The following GTSE1 variants were observed in gnomAD, a reference collection of about 807,000 sequenced individuals.
GTSE1 encodes the protein G2 and S-phase expressed 1.
In GTSE1, 52 loss-of-function variants were observed where a neutral mutation model predicts 60.5. The observed-to-expected ratio is 0.86, with a 90% CI of 0.69 to 1.08. The LOEUF (loss-of-function observed/expected upper bound fraction) is 1.08, where lower values mean the gene tolerates loss of function less well. Among genes scored for constraint, GTSE1 ranks in the 50% least tolerant of loss-of-function variants. The pLI is 0.00. For synonymous variants in GTSE1, 368 were observed against 386.5 expected (o/e 0.95, Z 0.56); for missense variants, 937 against 961.8 (o/e 0.97, Z 0.34).
intron 2 of GTSE1, among the ~76,000 whole-genome samples, chr22:46,302,913 T>A (rs1016003670): frequency 2.7e-5 from 4 of 150,126 alleles, no homozygotes; most frequent in African/African-American, 7.4e-5. Flanking sequence ...TTTTTTTTTT[T>A]CTTTGAGTTG....
chr22:46,315,941 T>G, intron 6 of GTSE1, 91 bp from the exon 7 acceptor site: 1 of 977,904 alleles, frequency 1.0e-6, no homozygotes. Context: ...ATGTTTAAGG[T>G]AGATATGCTA....
At position 46,308,858 on chromosome 22, in the gene GTSE1, C is replaced by T. The variant is rs767426101; in HGVS notation, c.677C>T (p.Ala226Val). 11 of 1,613,124 alleles carry T rather than the reference C, an allele frequency of 6.8e-6. No individual in the cohort carries two copies. The East Asian group carries it at 8.9e-5, about 13-fold the overall frequency. Residue 226 changes from alanine (A) to valine (V), a missense_variant, in exon 4 of 12, where the codon GCG becomes GTG. Ala to Val is a moderately conservative substitution (Grantham distance 64, BLOSUM62 0). Transcript: ENST00000454366. The part of the protein sequence containing the change: ...SCTAHAASQA[A>V]TQRKPGTKLL... Reference sequence around the variant, plus strand: ...ACTGCTCATGCTGCAAGTCAGGCAGCGACTCAGAGGAAGCCCGGGACCAAA... The same window carrying T: ...ACTGCTCATGCTGCAAGTCAGGCAGTGACTCAGAGGAAGCCCGGGACCAAA...
rs1402436249 is a variant in GTSE1, at chr22:46,316,288, T to A, written c.1308T>A (p.Ala436=). 9.3e-6 allele frequency: 15 copies of A among 1,613,908 alleles called. No homozygotes were observed. The highest frequency in any genetic ancestry group is 2.7e-5 in the African/African-American group (2 of 74,936). The stretch of plus-strand genomic sequence containing the variant: ...GCCAGTGGCTGAACTCCAGTTGCGC[T>A]TGGTCAGAATCTTCTCAATTGAATA... ...GGGQWLNSSC[A]WSESSQLNKT... Residue 436 remains alanine (A), a synonymous_variant, in exon 7 of 12, where the codon GCT becomes GCA. Transcript: ENST00000454366. The surrounding 1 kb of genome is among the most constrained non-coding windows in gnomAD (Gnocchi z 5.0).
rs1263939465 is a variant in GTSE1 at position 46,324,120 on chromosome 22, TC to T, written c.1505+859del. On this transcript the variant is annotated intron_variant, in intron 8 of 11. Transcript: ENST00000454366. This position sits in a 1 kb window ranked among gnomAD's most constrained non-coding sequence, Gnocchi z 5.2. Reference sequence around the variant, plus strand: ...AAGCTCAGCTGGGGCCACTTGCAAGTCTTTTGGTGACTCTGGGCTTTAGTTT... The same window carrying T: ...AAGCTCAGCTGGGGCCACTTGCAAGTTTTTGGTGACTCTGGGCTTTAGTTT... Among the ~76,000 whole-genome samples the T allele has an allele frequency of 6.6e-6, 1 of 152,162 alleles. No individual in the cohort carries two copies. The highest frequency in any genetic ancestry group is 2.4e-5 in the African/African-American group (1 of 41,450).
chr22:46,302,026 A>G (rs9627396), intron 2 of GTSE1, among the ~76,000 whole-genome samples: 15,123 of 152,122 alleles, frequency 0.099, 1,794 homozygotes, highest in African/African-American at 0.28. Context: ...TTGGGAGGCT[A>G]GGGCAGGAGA....
intron 2 of GTSE1, among the ~76,000 whole-genome samples, chr22:46,305,243 A>C (rs974144259): frequency 6.6e-6 from 1 of 152,190 alleles, no homozygotes; most frequent in Non-Finnish European, 1.5e-5. Flanking sequence ...CAGTTATTTT[A>C]TGATTATTGA....
In GTSE1 at chr22:46,311,069, T is replaced by TTTTTG. The variant is rs1329842061; in HGVS notation, c.763-1053_763-1049dup. Among the ~76,000 whole-genome samples the TTTTTG allele has an allele frequency of 6.6e-5, 10 of 151,946 alleles. No homozygotes were observed. In the South Asian group the frequency reaches 8.3e-4, roughly 13 times the overall value. On this transcript the variant is annotated intron_variant, in intron 4 of 11. Transcript: ENST00000454366. ...CGCTAATGGGTACAGGTTGTTTTTT[T>TTTTTG]TTTTGTTTTGTTTTGTTTTGTTTCT...
chr22:46,312,222 A>G lies in GTSE1; in HGVS notation c.844A>G (p.Lys282Glu). 6.2e-7 allele frequency: 1 copy of G among 1,614,186 alleles called. No individual in the cohort carries two copies. Among genetic ancestry groups the G allele is most frequent in the African/African-American group, 1.3e-5 (1 of 75,060 alleles). The stretch of plus-strand genomic sequence containing the variant: ...ATCCCACCGGGATGTTCTCCCTGAC[A>G]AACCTGCCCCGGGTGCTGTCAATGT... ...KESHRDVLPDKPAPGAVNVPA... is the reference protein window; with the variant it reads ...KESHRDVLPDEPAPGAVNVPA... The change falls in exon 5 of 12, where the codon AAA (lysine) becomes GAA (glutamate). Residue 282 changes from lysine (K) to glutamate (E), a missense_variant. Transcript: ENST00000454366.
At position 46,321,810 on chromosome 22, in the gene GTSE1, C is replaced by T. The variant is rs1162816129; in HGVS notation, c.1433-1380C>T. On this transcript the variant is annotated intron_variant, in intron 7 of 11. Transcript: ENST00000454366. This position sits in a 1 kb window ranked among gnomAD's most constrained non-coding sequence, Gnocchi z 4.0. Reference sequence around the variant, plus strand: ...AATAGGAGAGGCTGGGGCAGTGGCTCACGCCTGTAATCCCAGCACTTTGGG... The same window carrying T: ...AATAGGAGAGGCTGGGGCAGTGGCTTACGCCTGTAATCCCAGCACTTTGGG... 6.6e-6 allele frequency among the ~76,000 whole-genome samples: 1 copy of T among 152,112 alleles called. No individual in the cohort carries two copies. The highest frequency in any genetic ancestry group is 1.5e-5 in the Non-Finnish European group (1 of 68,032).
At chr22:46,326,755 G>A in intron 9 of GTSE1, 101 bp downstream of exon 9, 1 of 732,438 alleles carries the variant, frequency 1.4e-6, no homozygotes, top group Non-Finnish European at 2.2e-6. Context: ...TTTTAGTGAA[G>A]TAAATAGTAT....
At chr22:46,302,093 C>T (rs1185521229) in intron 2 of GTSE1, among the ~76,000 whole-genome samples, 1 of 152,042 alleles carries the variant, frequency 6.6e-6, no homozygotes, top group Non-Finnish European at 1.5e-5. Context: ...CCATTGCACT[C>T]CAGCCTGAGC....
Position 46,323,226 on chromosome 22 carries a change from G to T in GTSE1, c.1469G>T (p.Arg490Leu). 1 of 1,613,960 alleles carries T rather than the reference G, an allele frequency of 6.2e-7. No homozygotes were observed. The highest frequency in any genetic ancestry group is 2.2e-5 in the East Asian group (1 of 44,886). Reference protein sequence around the residue: ...SPDSSTPKLSRAQRPQSCTSV... With the variant: ...SPDSSTPKLSLAQRPQSCTSV... Reference sequence around the variant, plus strand: ...GACAGCTCAACACCAAAGCTTTCGCGGGCACAGCGGCCGCAGTCGTGCACG... The same window carrying T: ...GACAGCTCAACACCAAAGCTTTCGCTGGCACAGCGGCCGCAGTCGTGCACG... Residue 490 changes from arginine (R) to leucine (L), a missense_variant, in exon 8 of 12, where the codon CGG (arginine) becomes CTG (leucine). Physicochemically the swap from Arg to Leu is moderately radical, Grantham distance 102 (BLOSUM62 -2). Transcript: ENST00000454366.
rs1158736539 is a variant in GTSE1, at chr22:46,312,293, TGTTCCAAACAA to T, written c.917_927del (p.Pro307GlyfsTer42). Reference sequence around the variant, plus strand: ...TGGGCCAGGGCAAGCGGGCGATCCCTGTTCCAAACAAGGTGAGTTGGCTGCTGGGGCCCAAA... The same window carrying T: ...TGGGCCAGGGCAAGCGGGCGATCCCTGGTGAGTTGGCTGCTGGGGCCCAAA... On this transcript the variant is annotated frameshift_variant and splice_region_variant, in exon 5 of 12. Transcript: ENST00000454366. LOFTEE classifies it high-confidence loss of function. The T allele has an allele frequency of 6.2e-7, 1 of 1,610,966 alleles. No individual in the cohort carries two copies. The highest frequency in any genetic ancestry group is 1.7e-5 in the Admixed American group (1 of 59,226).
rs762711989 is a variant in GTSE1 at position 46,323,239 on chromosome 22, G to A, written c.1482G>A (p.Pro494=). 3.7e-6 allele frequency: 6 copies of A among 1,613,632 alleles called. No homozygotes were observed. The highest frequency in any genetic ancestry group is 3.3e-5 in the Admixed American group (2 of 60,024). ...CAAAGCTTTCGCGGGCACAGCGGCC[G>A]CAGTCGTGCACGTCAGTTGGCAGGT... is the stretch of plus-strand genomic sequence containing the variant. ...STPKLSRAQR[P]QSCTSVGRVT... The change falls in exon 8 of 12, where the codon CCG becomes CCA. Residue 494 remains proline (P), a synonymous_variant. Transcript: ENST00000454366.
Position 46,330,215 on chromosome 22 carries a change from C to A in GTSE1, c.*85C>A. On this transcript the variant is annotated 3_prime_UTR_variant, in exon 12 of 12. Coordinates refer to ENST00000454366, the MANE Select transcript of GTSE1 (RefSeq NM_016426.7). The surrounding 1 kb of genome is among the most constrained non-coding windows in gnomAD (Gnocchi z 6.0). Reference sequence around the variant, plus strand: ...ACAAGCTTTAGGCTGGTCGCAGTGGCTTACACTTGTAACCCTAGAACTTGG... The same window carrying A: ...ACAAGCTTTAGGCTGGTCGCAGTGGATTACACTTGTAACCCTAGAACTTGG... 1 of 813,802 alleles carries A rather than the reference C, an allele frequency of 1.2e-6. No homozygotes were observed. Among genetic ancestry groups the A allele is most frequent in the Non-Finnish European group, 2.2e-6 (1 of 462,710 alleles). The allele number at this position is 813,802 out of a possible 1,614,324, so 50.4% of individuals were successfully genotyped here.
rs1256498329 is a variant in GTSE1, at chr22:46,312,155, T to G, written c.777T>G (p.Ile259Met). 2 of 1,612,706 alleles carry G rather than the reference T, an allele frequency of 1.2e-6. No homozygotes were observed. The highest frequency in any genetic ancestry group is 2.7e-5 in the African/African-American group (2 of 74,806). ...AAAATTTTCAGCCCAAGAAAGAGAT[T>G]CCAGCTAGTCCTTCCAGGACAAAAA... is the stretch of plus-strand genomic sequence containing the variant. ...PGAAEKPKKEIPASPSRTKIP... is the reference protein window; with the variant it reads ...PGAAEKPKKEMPASPSRTKIP... The change falls in exon 5 of 12, where the codon ATT becomes ATG. Residue 259 changes from isoleucine (I) to methionine (M), a missense_variant. Transcript: ENST00000454366.
chr22:46,309,238 C>T lies in GTSE1; in HGVS notation c.762+295C>T, dbSNP rs1360051887. ...GGATTTCATTTGCTTTAATAAGCAA[C>T]CTCTTCCAAAAACTCCCCTCCTCTG... On this transcript the variant is annotated intron_variant, in intron 4 of 11. Transcript: ENST00000454366. The surrounding 1 kb of genome is among the most constrained non-coding windows in gnomAD (Gnocchi z 6.2). Among the ~76,000 whole-genome samples, 1 of 152,238 alleles carries T rather than the reference C, an allele frequency of 6.6e-6. No homozygotes were observed. Among genetic ancestry groups the T allele is most frequent in the Non-Finnish European group, 1.5e-5 (1 of 68,042 alleles).
At chr22:46,311,530 T>C (rs775579155) in intron 4 of GTSE1, among the ~76,000 whole-genome samples, 3 of 152,218 alleles carry the variant, frequency 2.0e-5, no homozygotes, top group African/African-American at 7.2e-5. Flanking sequence ...AGAAATGCTA[T>C]AAAGGGAAAA....
At chr22:46,323,381 T>G (rs1356674670) in intron 8 of GTSE1, 119 bp downstream of exon 8, 2 of 793,540 alleles carry the variant, frequency 2.5e-6, no homozygotes, top group African/African-American at 3.4e-5. Flanking sequence ...CACGCCAGTC[T>G]CTTGGGTGCA....
Sources: gnomAD v4.1 joint callset for allele counts (sites outside exome capture counted in the v4.1 genomes callset) on GRCh38, gnomAD v4.1.1 for gene constraint, Gnocchi (gnomAD v3.1) non-coding constraint, MANE v1.5 for transcripts, NCBI Gene and HGNC (gene_info 2026-07-23, HGNC 2026-07-21) for gene names.